CD1B: variants seen among roughly 807,000 people sequenced by gnomAD.
The protein encoded by CD1B is T-cell surface glycoprotein CD1b.
CD1B carries 43 observed loss-of-function variants against 39.8 expected under a neutral mutation model. That is an observed-to-expected ratio of 1.08 (90% CI 0.85 to 1.39). The LOEUF (loss-of-function observed/expected upper bound fraction) is 1.39, where lower values mean the gene tolerates loss of function less well. CD1B is among the 40% of genes most tolerant of loss of function. The probability of loss-of-function intolerance (pLI) is 0.00; values close to 1 mark genes in which losing one functional copy is unlikely to be tolerated. For missense variants in CD1B, 495 were observed against 403.8 expected (o/e 1.23, Z -1.94); for synonymous variants, 192 against 152.5 (o/e 1.26, Z -1.91).
At chr1:158,291,474 T>G in the CD1B span, 2 of 1,508,752 alleles carry the variant, frequency 1.3e-6, no homozygotes, top group East Asian at 2.3e-5. Context: ...TACTAATTTT[T>G]GGGCCATTTC....
At chr1:158,320,510 C>A in the CD1B span, among the ~76,000 whole-genome samples, 1 of 152,172 alleles carries the variant, frequency 6.6e-6, no homozygotes, top group African/African-American at 2.4e-5. Flanking sequence ...CCTCACCCCG[C>A]TTCAGCTGGC....
the CD1B span, among the ~76,000 whole-genome samples, chr1:158,309,208 G>A: frequency 2.0e-5 from 3 of 152,180 alleles, no homozygotes; most frequent in African/African-American, 7.2e-5. Context: ...AGACCTTTAT[G>A]CAGCCAAAGG....
the CD1B span, among the ~76,000 whole-genome samples, chr1:158,312,696 G>A: frequency 3.3e-5 from 5 of 152,266 alleles, no homozygotes; most frequent in East Asian, 9.6e-4. Context: ...TTTTGTATAT[G>A]CATTTAATAT....
the CD1B span, among the ~76,000 whole-genome samples, chr1:158,312,795 C>G: frequency 6.6e-6 from 1 of 152,158 alleles, no homozygotes; most frequent in African/African-American, 2.4e-5. Context: ...TCTCCACAAA[C>G]AGGGATAATT....
chr1:158,313,140 G>T, the CD1B span, among the ~76,000 whole-genome samples: 1 of 152,056 alleles, frequency 6.6e-6, no homozygotes, highest in Non-Finnish European at 1.5e-5. Flanking sequence ...TTAATGTGAT[G>T]CAGTACATTT....
At chr1:158,309,246 G>A in the CD1B span, among the ~76,000 whole-genome samples, 10 of 152,186 alleles carry the variant, frequency 6.6e-5, no homozygotes, top group Non-Finnish European at 1.3e-4. Flanking sequence ...CATCATCACT[G>A]GCCATCAGAG....
At chr1:158,285,496 G>C in the CD1B span, among the ~76,000 whole-genome samples, 1 of 152,142 alleles carries the variant, frequency 6.6e-6, no homozygotes, top group Non-Finnish European at 1.5e-5. Flanking sequence ...AGATAGAGAG[G>C]AGACCCAAGG....
At chr1:158,321,024 T>C in the CD1B span, among the ~76,000 whole-genome samples, 12 of 152,202 alleles carry the variant, frequency 7.9e-5, no homozygotes, top group Non-Finnish European at 1.6e-4. Flanking sequence ...TTAGGTTCAT[T>C]TGGTCAGGAG....
the CD1B span, chr1:158,292,786 C>G: frequency 7.4e-6 from 12 of 1,614,040 alleles, no homozygotes; most frequent in Non-Finnish European, 1.0e-5. Flanking sequence ...TTCAGGTGAT[C>G]CTGGAGGTGG....
intron 5 of CD1B, 31 bp downstream of exon 5, chr1:158,328,889 TA>T (rs113639863): frequency 9.1e-3 from 10,268 of 1,124,466 alleles, no homozygotes; most frequent in South Asian, 0.012. Flanking sequence ...AAAGACATAT[TA>T]AAAAAAAAAA....
At chr1:158,293,256 C>G in the CD1B span, 2 of 1,613,912 alleles carry the variant, frequency 1.2e-6, no homozygotes, top group African/African-American at 2.7e-5. Flanking sequence ...AGTGATAGTG[C>G]CCTTGGTGAT....
At chr1:158,306,720 A>G in the CD1B span, among the ~76,000 whole-genome samples, 2 of 152,334 alleles carry the variant, frequency 1.3e-5, no homozygotes, top group Admixed American at 1.3e-4. Context: ...CAGAAATTAT[A>G]ACAAACTGTC....
chr1:158,308,519 C>T, the CD1B span, among the ~76,000 whole-genome samples: 1 of 152,136 alleles, frequency 6.6e-6, no homozygotes, highest in Non-Finnish European at 1.5e-5. Context: ...GCCCGCATTG[C>T]CAAGTCAATC....
In CD1B at chr1:158,329,934, A is replaced by T. The variant is rs139570399; in HGVS notation, c.525T>A (p.Thr175=). ...LIIQYQGIME[T]VRILLYETCP... is the part of the protein sequence containing the mutation. ...AGGTTTCATAGAGGAGAATTCTCAC[A>T]GTTTCCATGATACCTTGATATTGTA... is the stretch of plus-strand genomic sequence containing the variant. The change falls in exon 3 of 6, where the codon ACT becomes ACA. Residue 175 remains threonine, a synonymous_variant. Transcript: ENST00000368168. The T allele has an allele frequency of 1.0e-4, 168 of 1,614,068 alleles. 1 individual carries two copies. The African/African-American group carries it at 2.0e-3, about 19-fold the overall frequency.
downstream of CD1B, among the ~76,000 whole-genome samples, chr1:158,326,957 C>G (rs535664482): frequency 4.8e-4 from 73 of 152,088 alleles, no homozygotes; most frequent in Non-Finnish European, 9.3e-4. Context: ...CCACCATGCC[C>G]GGCTAATTTT....
chr1:158,293,726 G>T, the CD1B span: 3 of 792,306 alleles, frequency 3.8e-6, no homozygotes, highest in Non-Finnish European at 6.0e-6. Context: ...GACCCATACT[G>T]AACCCAGAGA....
At chr1:158,331,098 A>G in intron 1 of CD1B, 36 bp from the exon 2 acceptor site, 3 of 1,557,934 alleles carry the variant, frequency 1.9e-6, no homozygotes, top group Non-Finnish European at 2.6e-6. Context: ...GTGAAGATAA[A>G]GAGAGAAGCA....
chr1:158,308,125 A>C, the CD1B span, among the ~76,000 whole-genome samples: 3 of 152,208 alleles, frequency 2.0e-5, no homozygotes, highest in Non-Finnish European at 4.4e-5. Flanking sequence ...CTGATAGGCA[A>C]CTTCAGCAAA....
the CD1B span, among the ~76,000 whole-genome samples, chr1:158,306,805 C>T: frequency 6.6e-6 from 1 of 152,184 alleles, no homozygotes; most frequent in Non-Finnish European, 1.5e-5. Flanking sequence ...TACATGGAAA[C>T]CGAGCAACCT....
Sources: gnomAD v4.1 joint callset for allele counts (sites outside exome capture counted in the v4.1 genomes callset) on GRCh38, gnomAD v4.1.1 for gene constraint, MANE v1.5 for transcripts, NCBI Gene and HGNC (gene_info 2026-07-23, HGNC 2026-07-21) for gene names.